Variants in AGBL4 observed in about 807,000 individuals in gnomAD.
AGBL4 encodes cytosolic carboxypeptidase 6.
Under a neutral mutation model 66.4 loss-of-function variants are expected in AGBL4, and 58 were observed. The observed-to-expected ratio is 0.87, with a 90% CI of 0.71 to 1.09. The LOEUF (loss-of-function observed/expected upper bound fraction) is 1.09. AGBL4 is among the 50% of genes least tolerant of loss of function. The pLI is 0.00. For missense variants in AGBL4, 579 were observed against 631.0 expected, an observed-to-expected ratio of 0.92 and a Z score of 0.88; for synonymous variants, 234 against 222.9, an observed-to-expected ratio of 1.05 and a Z score of -0.44.
intron 5 of AGBL4, among the ~76,000 whole-genome samples, chr1:48,932,283 CTG>C (rs900004547): frequency 3.6e-4 from 55 of 152,264 alleles, no homozygotes; most frequent in African/African-American, 1.3e-3. Flanking sequence ...AGAAGGAAAA[CTG>C]TGTTCTTGGA....
intron 2 of AGBL4, among the ~76,000 whole-genome samples, chr1:49,746,894 T>C (rs975097469): frequency 2.0e-5 from 3 of 152,096 alleles, no homozygotes; most frequent in Non-Finnish European, 2.9e-5. Flanking sequence ...AACCAAAGGA[T>C]ATGTTAGAGA....
intron 6 of AGBL4, among the ~76,000 whole-genome samples, chr1:48,744,145 C>T (rs1044117053): frequency 2.0e-5 from 3 of 152,174 alleles, no homozygotes; most frequent in African/African-American, 7.2e-5. Context: ...ATAGCATCAT[C>T]ATCGTTCTGA....
intron 3 of AGBL4, among the ~76,000 whole-genome samples, chr1:49,573,295 T>A (rs1644371150): frequency 6.6e-6 from 1 of 151,874 alleles, no homozygotes; most frequent in African/African-American, 2.4e-5. Flanking sequence ...TTTCGTTGGT[T>A]TTGGGGTTTC....
At chr1:49,386,543 G>A (rs1320443617) in intron 3 of AGBL4, among the ~76,000 whole-genome samples, 1 of 151,904 alleles carries the variant, frequency 6.6e-6, no homozygotes, top group Admixed American at 6.6e-5. Flanking sequence ...AATTAATTGT[G>A]TTTTGGGGGA....
In AGBL4 at chr1:49,331,669, G is replaced by A. The variant is rs190493405; in HGVS notation, c.283-85805C>T. On this transcript the variant is annotated intron_variant, in intron 3 of 13. Transcript: ENST00000371839. ...CTCTGATCTCTCCCTGGGACGGAGA[G>A]CCCGGCGGGAGAGGCAGGCTGCCAC... Among the ~76,000 whole-genome samples the A allele has an allele frequency of 2.5e-4, 37 of 150,172 alleles. 1 individual carries two copies. The highest frequency in any genetic ancestry group is 8.8e-4 in the African/African-American group (36 of 40,766).
chr1:49,809,618 G>A (rs1043242033), intron 2 of AGBL4, among the ~76,000 whole-genome samples: 11 of 152,066 alleles, frequency 7.2e-5, no homozygotes, highest in Non-Finnish European at 1.3e-4. Flanking sequence ...TAATAATACC[G>A]TATTGCACAT....
chr1:49,501,244 G>A (rs1478152892), intron 3 of AGBL4, among the ~76,000 whole-genome samples: 1 of 152,094 alleles, frequency 6.6e-6, no homozygotes, highest in Non-Finnish European at 1.5e-5. Context: ...CTTTCAATGA[G>A]TTCTTTCAAA....
intron 5 of AGBL4, among the ~76,000 whole-genome samples, chr1:49,008,125 G>A (rs1260051679): frequency 2.6e-5 from 4 of 151,976 alleles, no homozygotes; most frequent in Admixed American, 6.5e-5. Context: ...CTGTATTCAG[G>A]AAACCCATCT....
chr1:49,749,657 GT>G (rs1455966141), intron 2 of AGBL4, among the ~76,000 whole-genome samples: 2 of 151,992 alleles, frequency 1.3e-5, no homozygotes, highest in Non-Finnish European at 2.9e-5. Context: ...TCCATTCACG[GT>G]TATATCAAAA....
intron 4 of AGBL4, among the ~76,000 whole-genome samples, chr1:49,185,941 T>C (rs1257832237): frequency 6.6e-6 from 1 of 152,126 alleles, no homozygotes; most frequent in Non-Finnish European, 1.5e-5. Flanking sequence ...AGTTGTGAAC[T>C]CTAGCCCTGT....
chr1:48,993,520 ATG>A (rs755050629), intron 5 of AGBL4, among the ~76,000 whole-genome samples: 4 of 152,146 alleles, frequency 2.6e-5, no homozygotes, highest in Non-Finnish European at 4.4e-5. Context: ...GTCCTGGCTG[ATG>A]CCCCTCAAGT....
At chr1:49,207,350 A>G (rs1438550370) in intron 4 of AGBL4, among the ~76,000 whole-genome samples, 1 of 152,032 alleles carries the variant, frequency 6.6e-6, no homozygotes, top group African/African-American at 2.4e-5. Flanking sequence ...ATGGTGCTCC[A>G]TTGAGTTGAT....
chr1:49,101,613 C>T (rs1399286718), intron 4 of AGBL4, among the ~76,000 whole-genome samples: 1 of 152,098 alleles, frequency 6.6e-6, no homozygotes, highest in African/African-American at 2.4e-5. Context: ...GTGTTTAAAT[C>T]CTTACTCTTT....
intron 1 of AGBL4, among the ~76,000 whole-genome samples, chr1:49,935,340 C>T (rs900773582): frequency 4.8e-4 from 73 of 152,244 alleles, no homozygotes; most frequent in African/African-American, 1.6e-3. Flanking sequence ...GAAGCTCGAA[C>T]TGGGTGGAGC....
chr1:49,253,540 C>T (rs1206083811), intron 3 of AGBL4, among the ~76,000 whole-genome samples: 1 of 151,952 alleles, frequency 6.6e-6, no homozygotes, highest in African/African-American at 2.4e-5. Flanking sequence ...ACATAGCCTA[C>T]CAACCAAAAA....
intron 5 of AGBL4, among the ~76,000 whole-genome samples, chr1:48,918,132 C>T (rs376638801): frequency 2.6e-5 from 4 of 152,318 alleles, no homozygotes; most frequent in African/African-American, 7.2e-5. Context: ...ATGGCGCAGC[C>T]GGGGCACTGC....
intron 1 of AGBL4, among the ~76,000 whole-genome samples, chr1:49,957,957 A>G (rs894786199): frequency 3.9e-5 from 6 of 152,040 alleles, no homozygotes; most frequent in Non-Finnish European, 7.4e-5. Context: ...CCTAGCATCA[A>G]TGGTCTTTAC....
chr1:49,503,278 C>A (rs1648353699), intron 3 of AGBL4, among the ~76,000 whole-genome samples: 1 of 152,136 alleles, frequency 6.6e-6, no homozygotes, highest in South Asian at 2.1e-4. Flanking sequence ...GGTTTGGGAA[C>A]CTTCACCTAG....
At chr1:49,097,055 C>A (rs1352235614) in intron 4 of AGBL4, among the ~76,000 whole-genome samples, 2 of 152,112 alleles carry the variant, frequency 1.3e-5, no homozygotes, top group Non-Finnish European at 2.9e-5. Context: ...TAGTAAACTT[C>A]TTAGCTTCAG....
Sources: gnomAD v4.1 joint callset for allele counts (sites outside exome capture counted in the v4.1 genomes callset) on GRCh38, gnomAD v4.1.1 for gene constraint, MANE v1.5 for transcripts, NCBI Gene and HGNC (gene_info 2026-07-23, HGNC 2026-07-21) for gene names.